Variants in ALK observed in about 807,000 individuals in gnomAD.
ALK encodes ALK tyrosine kinase receptor.
ALK carries 74 observed loss-of-function variants against 163.1 expected under a neutral mutation model. The observed-to-expected ratio is 0.45, with a 90% CI of 0.38 to 0.55. The LOEUF is 0.55. ALK is among the 20% of genes least tolerant of loss of function. The probability of loss-of-function intolerance (pLI) is 0.00; values close to 1 mark genes in which losing one functional copy is unlikely to be tolerated. For missense variants in ALK, 2,063 were observed against 2,105.3 expected, an observed-to-expected ratio of 0.98 and a Z score of 0.39; for synonymous variants, 960 against 843.2, an observed-to-expected ratio of 1.14 and a Z score of -2.40.
intron 4 of ALK, among the ~76,000 whole-genome samples, chr2:29,449,409 G>A (rs1670767438): frequency 6.6e-6 from 1 of 152,178 alleles, no homozygotes; most frequent in South Asian, 2.1e-4. Context: ...TGGACATTGA[G>A]GGCTGCATAT....
intron 4 of ALK, among the ~76,000 whole-genome samples, chr2:29,518,734 T>C (rs1166796660): frequency 6.6e-6 from 1 of 152,034 alleles, no homozygotes; most frequent in Non-Finnish European, 1.5e-5. Context: ...GGAAAACAAG[T>C]GAAGAAGAGA....
At chr2:29,785,003 C>T (rs901615639) in intron 1 of ALK, among the ~76,000 whole-genome samples, 1 of 152,042 alleles carries the variant, frequency 6.6e-6, no homozygotes, top group African/African-American at 2.4e-5. Context: ...TCAAGTCGAG[C>T]TGCCCTGAAC....
chr2:29,559,167 G>A (rs1206893262), intron 3 of ALK, among the ~76,000 whole-genome samples: 2 of 152,162 alleles, frequency 1.3e-5, no homozygotes, highest in East Asian at 1.9e-4. Context: ...TGCCTGAAAT[G>A]GTACAGAGAG....
intron 13 of ALK, among the ~76,000 whole-genome samples, chr2:29,235,856 C>CT (rs569363324): frequency 0.041 from 1,573 of 38,174 alleles, 280 homozygotes; most frequent in East Asian, 0.075. Flanking sequence ...CCAGGCTCGA[C>CT]TTTTTTTTTT....
At chr2:29,802,923 C>G (rs1448877932) in intron 1 of ALK, among the ~76,000 whole-genome samples, 1 of 151,892 alleles carries the variant, frequency 6.6e-6, no homozygotes, top group East Asian at 1.9e-4. Flanking sequence ...CCAAACCATG[C>G]ATTTTGGCTT....
rs1302758726 is a variant in ALK, at chr2:29,831,137, G to A, written c.667+88856C>T. Among the ~76,000 whole-genome samples the A allele has an allele frequency of 9.7e-4, 60 of 62,050 alleles. 11 individuals carry two copies. The highest frequency in any genetic ancestry group is 1.7e-3 in the Non-Finnish European group (53 of 30,336). The allele number at this position is 62,050 out of a possible 152,430, so 40.7% of individuals were successfully genotyped here. On this transcript the variant is annotated intron_variant, in intron 1 of 28. Coordinates refer to ENST00000389048, the MANE Select transcript of ALK (RefSeq NM_004304.5). ...AGAAGAAGAAGAAGGGGAAGAAGGG[G>A]AAGAAGGGGAAGAAGGGGAAGAAGG...
chr2:29,650,798 T>C (rs1677016389), intron 3 of ALK, among the ~76,000 whole-genome samples: 1 of 152,062 alleles, frequency 6.6e-6, no homozygotes, highest in Non-Finnish European at 1.5e-5. Context: ...CAAGTGAAAG[T>C]GTGTGCCCCC....
intron 15 of ALK, among the ~76,000 whole-genome samples, chr2:29,230,891 G>A (rs1447065440): frequency 1.3e-5 from 2 of 152,310 alleles, no homozygotes. Flanking sequence ...AAATCAGAAC[G>A]AGATGGACGG....
rs147695875 is a variant in ALK, at chr2:29,743,612, A to G, written c.668-25915T>C. Among the ~76,000 whole-genome samples, 1,375 of 152,330 alleles carry G rather than the reference A, an allele frequency of 9.0e-3. 10 individuals carry two copies. Among genetic ancestry groups the G allele is most frequent in the Non-Finnish European group, 0.014 (941 of 68,034 alleles). On this transcript the variant is annotated intron_variant, in intron 1 of 28. Transcript: ENST00000389048. ...TGTACTTTTGACAAAGTCCCTGAAC[A>G]TGACCCTTAAATTGATTTTAAATCC...
At chr2:29,438,090 C>A (rs1367892482) in intron 4 of ALK, among the ~76,000 whole-genome samples, 1 of 151,836 alleles carries the variant, frequency 6.6e-6, no homozygotes, top group East Asian at 1.9e-4. Context: ...GTAGGCGGAG[C>A]TAAGAAGTTC....
intron 12 of ALK, among the ~76,000 whole-genome samples, chr2:29,243,963 T>C (rs1042861381): frequency 6.6e-6 from 1 of 151,924 alleles, no homozygotes; most frequent in African/African-American, 2.4e-5. Flanking sequence ...ATTGGGTTTG[T>C]GTTTTGTATT....
At chr2:29,455,429 T>G (rs990657749) in intron 4 of ALK, among the ~76,000 whole-genome samples, 1 of 152,158 alleles carries the variant, frequency 6.6e-6, no homozygotes, top group Non-Finnish European at 1.5e-5. Context: ...CTGTCCTGTG[T>G]GCGGGGGACA....
At chr2:29,677,237 TCCC>T in intron 3 of ALK, among the ~76,000 whole-genome samples, 3 of 1,788 alleles carry the variant, frequency 1.7e-3, no homozygotes, top group Non-Finnish European at 2.9e-3. Context: ...TCCTTCCTTC[TCCC>T]CTCCCCTCCC....
intron 3 of ALK, among the ~76,000 whole-genome samples, chr2:29,537,884 G>T (rs1324628095): frequency 6.6e-6 from 1 of 152,242 alleles, no homozygotes; most frequent in African/African-American, 2.4e-5. Context: ...TGTCAAAGAA[G>T]ATTATTTTGA....
At chr2:29,597,317 G>A (rs72861601) in intron 3 of ALK, among the ~76,000 whole-genome samples, 1,880 of 152,266 alleles carry the variant, frequency 0.012, 34 homozygotes, top group Middle Eastern at 0.034. Flanking sequence ...ACAGAGTAGC[G>A]AGGGAGTGGA....
At chr2:29,229,199 TG>T in intron 15 of ALK, 133 bp from the exon 16 acceptor site, 1 of 777,490 alleles carries the variant, frequency 1.3e-6, no homozygotes, top group Non-Finnish European at 2.3e-6. Context: ...CCATCTTCAG[TG>T]GGGCCTGGGG....
intron 12 of ALK, among the ~76,000 whole-genome samples, chr2:29,244,739 C>T (rs1031409741): frequency 3.3e-5 from 5 of 152,228 alleles, no homozygotes; most frequent in African/African-American, 1.2e-4. Context: ...TTCCTAATTC[C>T]TCCATCTCTG....
chr2:29,366,736 A>G (rs1668518095), intron 5 of ALK, among the ~76,000 whole-genome samples: 1 of 152,232 alleles, frequency 6.6e-6, no homozygotes, highest in Admixed American at 6.5e-5. Flanking sequence ...AATGATATGG[A>G]GAATGAGAGA....
At chr2:29,301,995 G>A (rs143795320) in intron 8 of ALK, among the ~76,000 whole-genome samples, 1 of 152,338 alleles carries the variant, frequency 6.6e-6, no homozygotes, top group Non-Finnish European at 1.5e-5. Context: ...TTGAAGATGA[G>A]CTCCTGCCCT....
Sources: gnomAD v4.1 joint callset for allele counts (sites outside exome capture counted in the v4.1 genomes callset) on GRCh38, gnomAD v4.1.1 for gene constraint, MANE v1.5 for transcripts, NCBI Gene and HGNC (gene_info 2026-07-23, HGNC 2026-07-21) for gene names.